HECTD2: variants seen among roughly 807,000 people sequenced by gnomAD.
The protein encoded by HECTD2 is HECT domain E3 ubiquitin protein ligase 2.
Under a neutral mutation model 103.2 loss-of-function variants are expected in HECTD2, and 35 were observed. The ratio of observed to expected loss-of-function variants is 0.34; its 90% CI spans 0.26 to 0.45. The LOEUF (loss-of-function observed/expected upper bound fraction) is 0.45, where lower values mean the gene tolerates loss of function less well. HECTD2 is among the 20% of genes least tolerant of loss of function. HECTD2 has a pLI of 1.00. For synonymous variants in HECTD2, 281 were observed against 329.9 expected, an observed-to-expected ratio of 0.85 and a Z score of 1.61; for missense variants, 596 against 937.4, an observed-to-expected ratio of 0.64 and a Z score of 4.76.
At chr10:91,450,644 T>C (rs1055420637) in intron 2 of HECTD2, among the ~76,000 whole-genome samples, 1 of 150,584 alleles carries the variant, frequency 6.6e-6, no homozygotes, top group Non-Finnish European at 1.5e-5. Flanking sequence ...AGGGCTAATA[T>C]CCAGAATCTA....
chr10:91,487,344 A>C lies in HECTD2; in HGVS notation c.1095-338A>C. The C allele has an allele frequency of 3.6e-6, 1 of 279,352 alleles. No homozygotes were observed. Among genetic ancestry groups the C allele is most frequent in the Non-Finnish European group, 7.1e-6 (1 of 141,460 alleles). 17.3% of individuals were successfully genotyped at this position (279,352 alleles called of 1,614,324 possible). A position where few individuals can be genotyped will look rare whatever the true frequency, so the allele number is the denominator to read the frequency against. On this transcript the variant is annotated intron_variant, in intron 10 of 20. Transcript: ENST00000298068. This position sits in a 1 kb window ranked among gnomAD's most constrained non-coding sequence, Gnocchi z 4.1. ...CTGGGTTTTCTGTACTACTTAACCAACACTTCTCCCTCCTGGTTCTGGTAT... is the reference window on the plus strand; with the variant it reads ...CTGGGTTTTCTGTACTACTTAACCACCACTTCTCCCTCCTGGTTCTGGTAT...
chr10:91,460,544 C>A lies in HECTD2; in HGVS notation c.386C>A (p.Pro129His). ...CCAGAACCTATTCTTCCTATCCAGCCCAAAACTGTGAAAGACTTTCAGTAA... is the reference window on the plus strand; with the variant it reads ...CCAGAACCTATTCTTCCTATCCAGCACAAAACTGTGAAAGACTTTCAGTAA... Reference protein sequence around the residue: ...VLPEPILPIQPKTVKDFQEDV... With the variant: ...VLPEPILPIQHKTVKDFQEDV... Residue 129 changes from proline to histidine, a missense_variant, in exon 3 of 21, where the codon CCC (proline) becomes CAC (histidine). This residue lies in a region of HECTD2 where 220 missense variants were observed against 233.9 expected (regional missense o/e 0.94). Transcript: ENST00000298068. 1.9e-6 allele frequency: 3 copies of A among 1,610,200 alleles called. No homozygotes were observed. Among genetic ancestry groups the A allele is most frequent in the Non-Finnish European group, 2.5e-6 (3 of 1,178,548 alleles).
intron 5 of HECTD2, among the ~76,000 whole-genome samples, chr10:91,472,123 A>G (rs369256492): frequency 3.2e-4 from 48 of 152,288 alleles, no homozygotes; most frequent in African/African-American, 9.1e-4. Context: ...ACATAGACCA[A>G]TGGAACAGAA....
chr10:91,433,352 C>T (rs957250992), intron 2 of HECTD2, among the ~76,000 whole-genome samples: 1 of 151,768 alleles, frequency 6.6e-6, no homozygotes, highest in Admixed American at 6.6e-5. Context: ...GTATTCTTTC[C>T]TGTGGTTTTT....
At chr10:91,502,233 C>A (rs1327152706) in intron 20 of HECTD2, among the ~76,000 whole-genome samples, 1 of 152,126 alleles carries the variant, frequency 6.6e-6, no homozygotes, top group Non-Finnish European at 1.5e-5. Context: ...GTTTTCATTT[C>A]TTTCTATGCT....
At chr10:91,433,247 G>A (rs571040907) in intron 2 of HECTD2, among the ~76,000 whole-genome samples, 35 of 151,876 alleles carry the variant, frequency 2.3e-4, no homozygotes, top group Admixed American at 9.9e-4. Flanking sequence ...ACTTTTTATT[G>A]AATAGGTAAC....
intron 1 of HECTD2, among the ~76,000 whole-genome samples, chr10:91,420,460 G>A (rs1843309396): frequency 6.6e-6 from 1 of 151,216 alleles, no homozygotes; most frequent in Non-Finnish European, 1.5e-5. Flanking sequence ...ATGGTGGCAT[G>A]TGCCTATAAT....
At chr10:91,499,322 T>C (rs975192900) in intron 18 of HECTD2, among the ~76,000 whole-genome samples, 172 bp downstream of exon 18, 11 of 152,154 alleles carry the variant, frequency 7.2e-5, no homozygotes, top group Non-Finnish European at 1.3e-4. Flanking sequence ...CTTAATTCTT[T>C]AGAGGGGAAA....
At chr10:91,417,348 G>A (rs1008719555) in intron 1 of HECTD2, among the ~76,000 whole-genome samples, 2 of 151,750 alleles carry the variant, frequency 1.3e-5, no homozygotes, top group Non-Finnish European at 2.9e-5. Flanking sequence ...TTGCTTTAGA[G>A]ACTGCATTTA....
intron 2 of HECTD2, among the ~76,000 whole-genome samples, chr10:91,427,529 T>A (rs974216630): frequency 3.0e-4 from 46 of 152,200 alleles, no homozygotes; most frequent in African/African-American, 1.0e-3. Flanking sequence ...CCTGACTTTT[T>A]AATGATTGCC....
At chr10:91,475,998 T>A (rs1845887348) in intron 5 of HECTD2, among the ~76,000 whole-genome samples, 4 of 152,170 alleles carry the variant, frequency 2.6e-5, no homozygotes, top group Admixed American at 2.6e-4. Context: ...CTGAGCCCAA[T>A]AAGAAGGCAA....
At chr10:91,425,978 T>G (rs988790743) in intron 2 of HECTD2, among the ~76,000 whole-genome samples, 2 of 152,042 alleles carry the variant, frequency 1.3e-5, no homozygotes, top group Non-Finnish European at 2.9e-5. Context: ...TAAATTATGT[T>G]AATCTATACT....
intron 5 of HECTD2, among the ~76,000 whole-genome samples, chr10:91,466,195 C>A (rs1845525710): frequency 6.6e-6 from 1 of 152,040 alleles, no homozygotes; most frequent in South Asian, 2.1e-4. Context: ...TCTAGGTTAT[C>A]AAATTTGTGA....
chr10:91,434,027 CT>C (rs1444532729), intron 2 of HECTD2, among the ~76,000 whole-genome samples: 1 of 151,896 alleles, frequency 6.6e-6, no homozygotes, highest in Non-Finnish European at 1.5e-5. Context: ...ACATTTCACC[CT>C]TTCTTTTATT....
At chr10:91,450,464 G>T (rs1299630805) in intron 2 of HECTD2, among the ~76,000 whole-genome samples, 2 of 152,030 alleles carry the variant, frequency 1.3e-5, no homozygotes, top group African/African-American at 2.4e-5. Flanking sequence ...CATAGGCGTG[G>T]GCAAAGACTT....
chr10:91,468,792 TG>T (rs1367879482), intron 5 of HECTD2, among the ~76,000 whole-genome samples: 1 of 152,062 alleles, frequency 6.6e-6, no homozygotes, highest in Non-Finnish European at 1.5e-5. Context: ...TTAAGTTAGC[TG>T]GGTGTAGTGG....
chr10:91,421,144 C>T (rs761944725), intron 1 of HECTD2, among the ~76,000 whole-genome samples: 1 of 152,128 alleles, frequency 6.6e-6, no homozygotes, highest in East Asian at 1.9e-4. Context: ...ATAGTCCGTG[C>T]CACCACCATT....
rs1163580812 is a variant in HECTD2, at chr10:91,410,405, G to GCCGCCGCCTGGCGCTC, written c.-25_-10dup. ...CAGCCCCAGCAACACTGAGGCCGCC[G>GCCGCCGCCTGGCGCTC]CCGCCGCCTGGCGCTCCCGCCGCCC... On this transcript the variant is annotated 5_prime_UTR_variant, in exon 1 of 21. Transcript: ENST00000298068. 7 of 1,342,012 alleles carry GCCGCCGCCTGGCGCTC rather than the reference G, an allele frequency of 5.2e-6. No homozygotes were observed. Among genetic ancestry groups the GCCGCCGCCTGGCGCTC allele is most frequent in the South Asian group, 1.8e-5 (1 of 56,006 alleles). 83.1% of individuals were successfully genotyped at this position (1,342,012 alleles called of 1,614,324 possible).
intron 12 of HECTD2, 134 bp from the exon 13 acceptor site, chr10:91,492,218 G>C: frequency 1.2e-6 from 1 of 802,516 alleles, no homozygotes; most frequent in South Asian, 1.5e-5. Context: ...AGATTTATTG[G>C]ATAAATGGAG....
Sources: allele counts gnomAD v4.1 joint callset (sites outside exome capture counted in the v4.1 genomes callset), GRCh38; gene constraint gnomAD v4.1.1; regional missense constraint gnomAD v4.1.1; non-coding constraint Gnocchi (gnomAD v3.1); transcripts MANE v1.5; gene names NCBI Gene and HGNC (gene_info 2026-07-23, HGNC 2026-07-21).